The following FBXL20 variants were observed in gnomAD, a reference collection of about 807,000 sequenced individuals.
FBXL20 encodes the protein F-box/LRR-repeat protein 20.
In FBXL20, 11 loss-of-function variants were observed where a neutral mutation model predicts 64.0. That is an observed-to-expected ratio of 0.17 (90% confidence interval 0.11 to 0.28). The LOEUF is 0.28. FBXL20 is among the 10% of genes least tolerant of loss of function. FBXL20 has a pLI of 1.00. For synonymous variants in FBXL20, 184 were observed against 189.0 expected, an observed-to-expected ratio of 0.97 and a Z score of 0.22; for missense variants, 303 against 526.2, an observed-to-expected ratio of 0.58 and a Z score of 4.15.
intron 13 of FBXL20, 35 bp from the exon 14 acceptor site, chr17:39,264,422 T>C (rs1334725519): frequency 6.2e-7 from 1 of 1,601,942 alleles, no homozygotes; most frequent in African/African-American, 1.3e-5. Context: ...GATGTTGAAA[T>C]ATCTTCTGGC....
intron 1 of FBXL20, among the ~76,000 whole-genome samples, chr17:39,398,835 C>T (rs1567911297): frequency 6.6e-6 from 1 of 152,108 alleles, no homozygotes; most frequent in South Asian, 2.1e-4. Context: ...CTACCACGCC[C>T]GGCTAATTTT....
chr17:39,377,346 T>G (rs914951112), intron 1 of FBXL20, among the ~76,000 whole-genome samples: 5 of 152,040 alleles, frequency 3.3e-5, no homozygotes, highest in African/African-American at 1.2e-4. Context: ...CTCACTGACT[T>G]TCCCCCACCC....
At chr17:39,368,254 C>A (rs1269071312) in intron 1 of FBXL20, among the ~76,000 whole-genome samples, 1 of 152,030 alleles carries the variant, frequency 6.6e-6, no homozygotes, top group Admixed American at 6.6e-5. Flanking sequence ...TACACAGGCA[C>A]AGTGGTGCAC....
intron 2 of FBXL20, among the ~76,000 whole-genome samples, chr17:39,339,951 T>C (rs1004916098): frequency 1.3e-5 from 2 of 151,568 alleles, no homozygotes; most frequent in African/African-American, 4.8e-5. Flanking sequence ...TGGATTTTTT[T>C]TTTTTGAAAT....
chr17:39,309,734 G>A (rs534122361), intron 2 of FBXL20, among the ~76,000 whole-genome samples: 1 of 150,464 alleles, frequency 6.6e-6, no homozygotes, highest in South Asian at 2.1e-4. Flanking sequence ...GCAGGTTGCA[G>A]TGAGCCGAGA....
intron 10 of FBXL20, among the ~76,000 whole-genome samples, chr17:39,271,469 G>A (rs999575515): frequency 2.0e-5 from 3 of 151,908 alleles, no homozygotes; most frequent in Non-Finnish European, 2.9e-5. Context: ...GTGGTGGCGG[G>A]TGCCTGTAGT....
intron 1 of FBXL20, among the ~76,000 whole-genome samples, chr17:39,388,685 T>C (rs2048106718): frequency 6.6e-6 from 1 of 150,716 alleles, no homozygotes; most frequent in African/African-American, 2.4e-5. Flanking sequence ...GGTTTCACCA[T>C]GTTGGCCAGG....
intron 1 of FBXL20, among the ~76,000 whole-genome samples, chr17:39,360,583 T>G (rs2047785068): frequency 6.6e-6 from 1 of 152,094 alleles, no homozygotes; most frequent in Admixed American, 6.6e-5. Flanking sequence ...GAACAAGATT[T>G]TGGAAAGCAG....
intron 1 of FBXL20, among the ~76,000 whole-genome samples, chr17:39,399,750 C>T (rs995084893): frequency 1.3e-5 from 2 of 151,246 alleles, no homozygotes; most frequent in Non-Finnish European, 2.9e-5. Context: ...TAGTATGCCA[C>T]CCCTACAGAG....
chr17:39,269,948 T>C (rs8079590), intron 11 of FBXL20, among the ~76,000 whole-genome samples: 94,319 of 152,146 alleles, frequency 0.62, 32,369 homozygotes, highest in South Asian at 0.89. Context: ...ATGTGCTGGC[T>C]CCCACCTAAT....
chr17:39,305,902 G>A (rs186663811), intron 2 of FBXL20, among the ~76,000 whole-genome samples: 15 of 151,840 alleles, frequency 9.9e-5, no homozygotes, highest in South Asian at 6.3e-4. Context: ...CAGAAGAATC[G>A]CTTGAACCTG....
At chr17:39,289,277 A>G (rs1468840081) in intron 6 of FBXL20, among the ~76,000 whole-genome samples, 1 of 152,212 alleles carries the variant, frequency 6.6e-6, no homozygotes, top group Non-Finnish European at 1.5e-5. Flanking sequence ...CAGCCTTTCA[A>G]TTTCAACAAA....
At chr17:39,265,355 T>C (rs2046781477) in intron 13 of FBXL20, 42 bp downstream of exon 13, 4 of 1,488,230 alleles carry the variant, frequency 2.7e-6, no homozygotes, top group Non-Finnish European at 3.7e-6. Context: ...TGGCTTTTGA[T>C]TAAACCCAGT....
intron 2 of FBXL20, among the ~76,000 whole-genome samples, chr17:39,336,117 G>C (rs562613681): frequency 3.2e-4 from 48 of 152,032 alleles, no homozygotes; most frequent in African/African-American, 9.9e-4. Flanking sequence ...CCTGTCAGAG[G>C]GGGGAGGGGA....
intron 3 of FBXL20, among the ~76,000 whole-genome samples, chr17:39,301,636 G>A (rs1466237001): frequency 6.6e-6 from 1 of 152,146 alleles, no homozygotes; most frequent in Non-Finnish European, 1.5e-5. Flanking sequence ...GCTAAGGCAG[G>A]ACAATCACTT....
At chr17:39,333,988 A>G (rs1358745853) in intron 2 of FBXL20, among the ~76,000 whole-genome samples, 3 of 152,222 alleles carry the variant, frequency 2.0e-5, no homozygotes, top group Non-Finnish European at 2.9e-5. Context: ...CAGCTCATTG[A>G]GAACGGGCCA....
intron 1 of FBXL20, among the ~76,000 whole-genome samples, chr17:39,384,331 C>A (rs376369166): frequency 2.0e-5 from 3 of 152,152 alleles, no homozygotes; most frequent in East Asian, 3.9e-4. Flanking sequence ...TTCAAAACCT[C>A]CTGGCCAATA....
intron 1 of FBXL20, among the ~76,000 whole-genome samples, chr17:39,344,878 T>C (rs751863486): frequency 7.2e-5 from 11 of 152,208 alleles, no homozygotes; most frequent in African/African-American, 9.6e-5. Flanking sequence ...ACTGCCACCA[T>C]AGTGGCATCA....
At chr17:39,314,260 C>T (rs1184351052) in intron 2 of FBXL20, among the ~76,000 whole-genome samples, 1 of 152,204 alleles carries the variant, frequency 6.6e-6, no homozygotes. Flanking sequence ...CGTATTCATA[C>T]TTCATTCCTT....
Sources: allele counts gnomAD v4.1 joint callset (sites outside exome capture counted in the v4.1 genomes callset), GRCh38; gene constraint gnomAD v4.1.1; transcripts MANE v1.5; gene names NCBI Gene and HGNC (gene_info 2026-07-23, HGNC 2026-07-21).